The following TCFL5 variants were observed in gnomAD, a reference collection of about 807,000 sequenced individuals.
TCFL5 encodes the protein transcription factor-like 5 protein.
Under a neutral mutation model 44.3 loss-of-function variants are expected in TCFL5, and 9 were observed. The ratio of observed to expected loss-of-function variants is 0.20; its 90% CI spans 0.12 to 0.35. The LOEUF (loss-of-function observed/expected upper bound fraction) is 0.35, where lower values mean the gene tolerates loss of function less well. Among genes scored for constraint, TCFL5 ranks in the 10% least tolerant of loss-of-function variants. The pLI is 1.00. For missense variants in TCFL5, 603 were observed against 613.4 expected, an observed-to-expected ratio of 0.98 and a Z score of 0.18; for synonymous variants, 319 against 271.6, an observed-to-expected ratio of 1.17 and a Z score of -1.72.
intron 5 of TCFL5, among the ~76,000 whole-genome samples, chr20:62,844,593 T>TTTTTTTTC (rs2063718936): frequency 6.7e-6 from 1 of 148,980 alleles, no homozygotes; most frequent in African/African-American, 2.5e-5. Flanking sequence ...TTTTTTTTTT[T>TTTTTTTTC]TTGAGACCGA....
At chr20:62,857,270 C>T (rs1403846738) in intron 4 of TCFL5, 125 bp downstream of exon 4, 43 of 1,360,164 alleles carry the variant, frequency 3.2e-5, no homozygotes, top group Admixed American at 2.3e-4. Context: ...GGAAAGCTAA[C>T]GATGCTCCTA....
chr20:62,845,542 A>G, intron 5 of TCFL5: 1 of 1,457,642 alleles, frequency 6.9e-7, no homozygotes, highest in African/African-American at 1.4e-5. Context: ...TTGGCAAGAT[A>G]GAATTCACCT....
At chr20:62,848,192 G>A (rs531453482) in intron 5 of TCFL5, among the ~76,000 whole-genome samples, 21 of 152,350 alleles carry the variant, frequency 1.4e-4, no homozygotes, top group Middle Eastern at 3.4e-3. Context: ...AGGGAGATGC[G>A]AAGCGGGACT....
chr20:62,846,911 G>A (rs1251007638), intron 5 of TCFL5, among the ~76,000 whole-genome samples: 5 of 152,168 alleles, frequency 3.3e-5, no homozygotes, highest in Admixed American at 1.3e-4. Flanking sequence ...GCGGCCGGGT[G>A]CAGTGGCTCA....
intron 4 of TCFL5, among the ~76,000 whole-genome samples, chr20:62,857,133 T>C (rs2063905703): frequency 6.6e-6 from 1 of 152,200 alleles, no homozygotes; most frequent in Non-Finnish European, 1.5e-5. Flanking sequence ...GCGCCTTTGC[T>C]GATCGCACCT....
At position 62,861,459 on chromosome 20, in the gene TCFL5, C is replaced by T; in HGVS notation, c.212G>A (p.Gly71Asp). The T allele has an allele frequency of 8.5e-7, 1 of 1,181,128 alleles. No individual in the cohort carries two copies. The allele number at this position is 1,181,128 out of a possible 1,614,324, so 73.2% of individuals were successfully genotyped here. Reference protein sequence around the residue: ...LCSHMEAAADGELETRLNSAL... With the variant: ...LCSHMEAAADDELETRLNSAL... ...CGAGTTGAGGCGCGTCTCGAGCTCG[C>T]CGTCAGCCGCCGCCTCCATGTGCGA... is the stretch of plus-strand genomic sequence containing the variant. Residue 71 changes from glycine to aspartate, a missense_variant, in exon 1 of 6, where the codon GGC becomes GAC. Gly to Asp is a moderately conservative substitution (Grantham distance 94). This residue lies in a region of TCFL5 where 540 missense variants were observed against 478.7 expected (regional missense o/e 1.13). Coordinates refer to ENST00000335351, the MANE Select transcript of TCFL5 (RefSeq NM_006602.4). The surrounding 1 kb of genome is among the most constrained non-coding windows in gnomAD (Gnocchi z 4.0).
Position 62,861,268 on chromosome 20 carries a change from T to A in TCFL5, c.403A>T (p.Ser135Cys). The A allele has an allele frequency of 8.2e-7, 1 of 1,215,420 alleles. No homozygotes were observed. The allele number at this position is 1,215,420 out of a possible 1,614,324, so 75.3% of individuals were successfully genotyped here. A position where few individuals can be genotyped will look rare whatever the true frequency, so the allele number is the denominator to read the frequency against. ...GTCTTCTCCGCCGCGCCCGCCTCGC[T>A]TAGCAGCATCATGCGCAGCTCCTGG... ...DFQELRMMLL[S>C]EAGAAEKTSG... is the part of the protein sequence containing the mutation. The change falls in exon 1 of 6, where the codon AGC becomes TGC. Residue 135 changes from serine to cysteine, a missense_variant. By Grantham distance (112) the Ser-to-Cys change is moderately radical (BLOSUM62 -1). This residue lies in a region of TCFL5 where 540 missense variants were observed against 478.7 expected (regional missense o/e 1.13). Transcript: ENST00000335351. This position sits in a 1 kb window ranked among gnomAD's most constrained non-coding sequence, Gnocchi z 4.0.
chr20:62,850,029 G>A (rs1448134582), intron 5 of TCFL5, among the ~76,000 whole-genome samples: 1 of 152,042 alleles, frequency 6.6e-6, no homozygotes, highest in Non-Finnish European at 1.5e-5. Flanking sequence ...AGAACATTTT[G>A]GGCAAATCTG....
intron 5 of TCFL5, chr20:62,845,587 C>T (rs759543778): frequency 6.6e-5 from 101 of 1,537,776 alleles, no homozygotes; most frequent in Admixed American, 4.5e-4. Context: ...GAGCCTGGGC[C>T]GGCTCCGGAG....
At chr20:62,853,561 G>C (rs1334184706) in intron 5 of TCFL5, among the ~76,000 whole-genome samples, 2 of 152,178 alleles carry the variant, frequency 1.3e-5, no homozygotes, top group Non-Finnish European at 2.9e-5. Context: ...ATGTTGCCCA[G>C]GCTGGTCTCA....
Position 62,861,138 on chromosome 20 carries a change from C to G in TCFL5, c.533G>C (p.Arg178Pro). ...GCGGACGCGCACGGCCGGCTTGGCC[C>G]GGGCCTCGGGCGCGCCGTCGGGTCC... is the stretch of plus-strand genomic sequence containing the variant. ...AAGPDGAPEA[R>P]AKPAVRVRLE... Residue 178 changes from arginine to proline, a missense_variant, in exon 1 of 6, where the codon CGG becomes CCG. Physicochemically the swap from Arg to Pro is moderately radical, Grantham distance 103. This residue lies in a region of TCFL5 where 540 missense variants were observed against 478.7 expected (regional missense o/e 1.13). Transcript: ENST00000335351. This position sits in a 1 kb window ranked among gnomAD's most constrained non-coding sequence, Gnocchi z 4.0. 3 of 1,002,818 alleles carry G rather than the reference C, an allele frequency of 3.0e-6. No homozygotes were observed. The highest frequency in any genetic ancestry group is 3.6e-6 in the Non-Finnish European group (3 of 843,622). 62.1% of individuals were successfully genotyped at this position (1,002,818 alleles called of 1,614,324 possible).
At chr20:62,846,446 T>C (rs930309989) in intron 5 of TCFL5, among the ~76,000 whole-genome samples, 2 of 152,224 alleles carry the variant, frequency 1.3e-5, no homozygotes, top group Non-Finnish European at 2.9e-5. Flanking sequence ...GTGGTACTGA[T>C]GTCATCGCAC....
At chr20:62,845,605 A>C (rs1568775410) in intron 5 of TCFL5, 1 of 1,577,542 alleles carries the variant, frequency 6.3e-7, no homozygotes, top group East Asian at 2.3e-5. Flanking sequence ...GAGAAGTTAG[A>C]CCCTCGGAGC....
chr20:62,853,626 C>G (rs191233406), intron 5 of TCFL5, among the ~76,000 whole-genome samples: 1 of 152,228 alleles, frequency 6.6e-6, no homozygotes, highest in African/African-American at 2.4e-5. Context: ...GCTGGGATTA[C>G]AGACGTGAAC....
At chr20:62,859,266 CAAACCATCTGTCT>C (rs1288600145) in intron 3 of TCFL5, 85 bp downstream of exon 3, 13 of 1,241,802 alleles carry the variant, frequency 1.0e-5, no homozygotes. Context: ...CACATGTGTA[CAAACCATCTGTCT>C]CCCCTGCCCC....
chr20:62,861,731 G>T lies in TCFL5; in HGVS notation c.-61C>A. On this transcript the variant is annotated 5_prime_UTR_variant, in exon 1 of 6. Coordinates refer to ENST00000335351, the MANE Select transcript of TCFL5 (RefSeq NM_006602.4). The surrounding 1 kb of genome is among the most constrained non-coding windows in gnomAD (Gnocchi z 4.0). ...CGCGGGCGGCGGGCGGCGGGAGGCG[G>T]GAGGCGGGAGGCGGGAGGCGACCCC... 1 of 147,342 alleles carries T rather than the reference G, an allele frequency of 6.8e-6. No individual in the cohort carries two copies. Among genetic ancestry groups the T allele is most frequent in the South Asian group, 1.8e-4 (1 of 5,424 alleles). The allele number at this position is 147,342 out of a possible 1,614,324, so 9.1% of individuals were successfully genotyped here.
At chr20:62,852,551 C>T in intron 5 of TCFL5, 1 of 985,498 alleles carries the variant, frequency 1.0e-6, no homozygotes, top group Non-Finnish European at 1.2e-6. Flanking sequence ...GCCACGACCA[C>T]ACAGACAGGA....
At chr20:62,853,337 CTCTT>C (rs1270239851) in intron 5 of TCFL5, among the ~76,000 whole-genome samples, 4 of 112,682 alleles carry the variant, frequency 3.5e-5, no homozygotes, top group Non-Finnish European at 5.5e-5. Flanking sequence ...ATTTTTGTTT[CTCTT>C]TCTTTTTTGG....
At chr20:62,859,097 A>G (rs1224166148) in intron 3 of TCFL5, among the ~76,000 whole-genome samples, 6 of 152,240 alleles carry the variant, frequency 3.9e-5, no homozygotes, top group Non-Finnish European at 5.9e-5. Context: ...CTGAAAATTT[A>G]TGTAAGTCTA....
Sources: allele counts gnomAD v4.1 joint callset (sites outside exome capture counted in the v4.1 genomes callset), GRCh38; gene constraint gnomAD v4.1.1; regional missense constraint gnomAD v4.1.1; non-coding constraint Gnocchi (gnomAD v3.1); transcripts MANE v1.5; gene names NCBI Gene and HGNC (gene_info 2026-07-23, HGNC 2026-07-21).